Variants in RYR3 observed in about 807,000 individuals in gnomAD.
The protein encoded by RYR3 is brain ryanodine receptor-calcium release channel.
A neutral mutation model predicts 584.3 loss-of-function variants in RYR3; 207 were observed. The observed-to-expected ratio is 0.35, with a 90% CI of 0.32 to 0.40. The LOEUF is 0.40. Ranked by LOEUF, RYR3 falls within the 10% of genes least tolerant of loss-of-function variation. The pLI is 1.00. For synonymous variants in RYR3, 2,416 were observed against 2,248.5 expected (o/e 1.07, Z -2.11); for missense variants, 5,616 against 6,089.2 (o/e 0.92, Z 2.59).
At chr15:33,375,284 T>G (rs2040640495) in intron 1 of RYR3, among the ~76,000 whole-genome samples, 1 of 152,178 alleles carries the variant, frequency 6.6e-6, no homozygotes, top group South Asian at 2.1e-4. Context: ...AAATAGCAAT[T>G]ATTGTTATTG....
At position 33,584,420 on chromosome 15, in the gene RYR3, C is replaced by A. The variant is rs753218366; in HGVS notation, c.1599C>A (p.Asn533Lys). The A allele has an allele frequency of 1.9e-6, 3 of 1,607,590 alleles. No homozygotes were observed. The highest frequency in any genetic ancestry group is 2.6e-6 in the Non-Finnish European group (3 of 1,175,192). ...CTGCTCTCATTCGCGGAAACAGAAACAATTGCGCTCAATTCTCCAATAACC... is the reference window on the plus strand; with the variant it reads ...CTGCTCTCATTCGCGGAAACAGAAAAAATTGCGCTCAATTCTCCAATAACC... ...LLAALIRGNR[N>K]NCAQFSNNLD... The change falls in exon 15 of 104, where the codon AAC (asparagine) becomes AAA (lysine). Residue 533 changes from asparagine (N) to lysine (K), a missense_variant. Physicochemically the swap from Asn to Lys is moderately conservative, Grantham distance 94. Around this residue, in one of 9 missense-constraint regions of RYR3, gnomAD observed 1,284 missense variants for 1,344.6 expected, o/e 0.95. Transcript: ENST00000634891.
rs1016685142 is a variant in RYR3, at chr15:33,355,124, C to T, written c.51+44028C>T. 3.4e-5 allele frequency among the ~76,000 whole-genome samples: 5 copies of T among 146,638 alleles called. No individual in the cohort carries two copies. In the South Asian group the frequency reaches 6.4e-4, roughly 19 times the overall value. On this transcript the variant is annotated intron_variant, in intron 1 of 103. Coordinates refer to ENST00000634891, the MANE Select transcript of RYR3 (RefSeq NM_001036.6). ...GCTTGAACCTGGGGGGCGGAGGTTG[C>T]AGTGAGCTGAGATCGTGCCATTGCA...
chr15:33,707,242 C>G (rs1030796108), intron 43 of RYR3, among the ~76,000 whole-genome samples, 188 bp downstream of exon 43: 3 of 152,062 alleles, frequency 2.0e-5, no homozygotes, highest in Non-Finnish European at 2.9e-5. Context: ...TCAGGCCAGA[C>G]AAGGATAAAG....
intron 12 of RYR3, among the ~76,000 whole-genome samples, chr15:33,572,785 A>G (rs1175278732): frequency 2.6e-5 from 4 of 151,762 alleles, no homozygotes; most frequent in Non-Finnish European, 5.9e-5. Context: ...GACCAGCCTG[A>G]CCAACATGGA....
intron 8 of RYR3, among the ~76,000 whole-genome samples, chr15:33,544,675 T>G (rs1022270811): frequency 6.6e-6 from 1 of 152,112 alleles, no homozygotes; most frequent in African/African-American, 2.4e-5. Context: ...ATTATGCACC[T>G]TAGAAAGCAC....
chr15:33,380,649 C>T (rs889066089), intron 1 of RYR3, among the ~76,000 whole-genome samples: 3 of 152,202 alleles, frequency 2.0e-5, no homozygotes, highest in Non-Finnish European at 4.4e-5. Context: ...AAAGTACAGC[C>T]AGTCGCATTT....
intron 1 of RYR3, among the ~76,000 whole-genome samples, chr15:33,468,533 A>G (rs538324475): frequency 1.8e-4 from 27 of 152,330 alleles, no homozygotes; most frequent in African/African-American, 5.1e-4. Context: ...TGACTCATCA[A>G]TGAAAATGAC....
At chr15:33,372,278 G>A (rs186819286) in intron 1 of RYR3, among the ~76,000 whole-genome samples, 247 of 151,426 alleles carry the variant, frequency 1.6e-3, no homozygotes, top group Non-Finnish European at 2.1e-3. Flanking sequence ...TGCAACCTCC[G>A]TCTCCCAGAT....
At chr15:33,761,867 C>G (rs190190468) in intron 60 of RYR3, among the ~76,000 whole-genome samples, 2 of 152,244 alleles carry the variant, frequency 1.3e-5, no homozygotes, top group East Asian at 3.9e-4. Context: ...CAATAAAATA[C>G]GGGCAAACCA....
At chr15:33,797,272 ACTGC>A (rs1567192474) in intron 67 of RYR3, among the ~76,000 whole-genome samples, 1 of 152,078 alleles carries the variant, frequency 6.6e-6, no homozygotes, top group East Asian at 1.9e-4. Context: ...GGCAGCAAGC[ACTGC>A]AGATGATAAA....
chr15:33,400,645 C>T (rs16970598), intron 1 of RYR3, among the ~76,000 whole-genome samples: 10,817 of 152,160 alleles, frequency 0.071, 691 homozygotes, highest in African/African-American at 0.16. Context: ...TAAAGCAACA[C>T]GGCAATTTTG....
intron 1 of RYR3, among the ~76,000 whole-genome samples, chr15:33,457,929 G>T (rs1410170623): frequency 1.3e-5 from 2 of 152,160 alleles, no homozygotes; most frequent in African/African-American, 4.8e-5. Flanking sequence ...TCATGGAGCG[G>T]TTTGGGAGTG....
chr15:33,754,824 C>T (rs1877517623), intron 57 of RYR3, among the ~76,000 whole-genome samples: 1 of 152,076 alleles, frequency 6.6e-6, no homozygotes, highest in South Asian at 2.1e-4. Context: ...TTTTGCTTTC[C>T]CCTCAGACAT....
At chr15:33,485,612 C>T (rs1262711541) in intron 2 of RYR3, among the ~76,000 whole-genome samples, 2 of 152,236 alleles carry the variant, frequency 1.3e-5, no homozygotes, top group South Asian at 2.1e-4. Flanking sequence ...GGTTTTTGTG[C>T]AGAAAGTTTT....
At chr15:33,834,476 C>CG (rs1375648378) in intron 86 of RYR3, among the ~76,000 whole-genome samples, 2 of 147,520 alleles carry the variant, frequency 1.4e-5, no homozygotes, top group Non-Finnish European at 3.0e-5. Context: ...GATTTCTTTT[C>CG]TTTTTTTTTT....
chr15:33,829,439 A>T (rs1265813414), intron 85 of RYR3, among the ~76,000 whole-genome samples: 2 of 152,172 alleles, frequency 1.3e-5, no homozygotes, highest in African/African-American at 2.4e-5. Flanking sequence ...AGGATTCAAC[A>T]TTGTAGATGT....
At chr15:33,825,534 A>G (rs978393703) in intron 81 of RYR3, 69 bp from the exon 82 acceptor site, 5 of 1,000,774 alleles carry the variant, frequency 5.0e-6, no homozygotes, top group Non-Finnish European at 7.9e-6. Context: ...CGATAGGTAC[A>G]TTAACATTAG....
At chr15:33,393,026 A>T (rs1489584959) in intron 1 of RYR3, among the ~76,000 whole-genome samples, 1 of 152,246 alleles carries the variant, frequency 6.6e-6, no homozygotes, top group East Asian at 1.9e-4. Flanking sequence ...GGAAATTCTG[A>T]AAACAGCCTC....
intron 16 of RYR3, among the ~76,000 whole-genome samples, chr15:33,598,246 CAAAAAAA>C (rs35785154): frequency 0.014 from 1,015 of 74,298 alleles, 28 homozygotes; most frequent in African/African-American, 0.051. Context: ...AAAAATTGCT[CAAAAAAA>C]AAAAAAAAAG....
Sources: gnomAD v4.1 joint callset for allele counts (sites outside exome capture counted in the v4.1 genomes callset) on GRCh38, gnomAD v4.1.1 for gene constraint, gnomAD v4.1.1 regional missense constraint, MANE v1.5 for transcripts, NCBI Gene and HGNC (gene_info 2026-07-23, HGNC 2026-07-21) for gene names.